DPP10: variants seen among roughly 807,000 people sequenced by gnomAD.
DPP10 encodes dipeptidyl peptidase like 10, also known as inactive dipeptidyl peptidase 10.
Under a neutral mutation model 120.9 loss-of-function variants are expected in DPP10, and 33 were observed. That is an observed-to-expected ratio of 0.27 (90% confidence interval 0.21 to 0.37). DPP10 has a LOEUF of 0.37. Among genes scored for constraint, DPP10 ranks in the 10% least tolerant of loss-of-function variants. The pLI is 1.00. For missense variants in DPP10, 816 were observed against 942.8 expected (o/e 0.87, Z 1.76); for synonymous variants, 337 against 326.1 (o/e 1.03, Z -0.36).
At chr2:115,457,822 C>G (rs1420354319) in intron 3 of DPP10, among the ~76,000 whole-genome samples, 1 of 151,986 alleles carries the variant, frequency 6.6e-6, no homozygotes. Context: ...TATGCCAATG[C>G]AAAACGAGAC....
intron 1 of DPP10, among the ~76,000 whole-genome samples, chr2:114,885,416 C>T (rs1691987256): frequency 6.6e-6 from 1 of 152,172 alleles, no homozygotes; most frequent in African/African-American, 2.4e-5. Context: ...CCCTTCAGTA[C>T]CGGGGATTAC....
intron 15 of DPP10, among the ~76,000 whole-genome samples, chr2:115,779,905 A>C (rs1682546991): frequency 6.6e-6 from 1 of 152,026 alleles, no homozygotes; most frequent in Non-Finnish European, 1.5e-5. Context: ...ATCATCTCAC[A>C]GTGTTTCAAA....
At chr2:114,566,710 A>G (rs979366966) in intron 1 of DPP10, among the ~76,000 whole-genome samples, 1 of 152,210 alleles carries the variant, frequency 6.6e-6, no homozygotes, top group African/African-American at 2.4e-5. Context: ...AGTCTCCCTT[A>G]AGTGAGTCAC....
In DPP10 at chr2:115,843,324, A is replaced by G. The variant is rs1176605582; in HGVS notation, c.*979A>G. The G allele has an allele frequency of 6.6e-6, 1 of 152,614 alleles. No homozygotes were observed. Among genetic ancestry groups the G allele is most frequent in the Admixed American group, 6.5e-5 (1 of 15,280 alleles). 9.5% of individuals were successfully genotyped at this position (152,614 alleles called of 1,614,324 possible). A position where few individuals can be genotyped will look rare whatever the true frequency, so the allele number is the denominator to read the frequency against. On this transcript the variant is annotated 3_prime_UTR_variant, in exon 26 of 26. Transcript: ENST00000410059. ...AGTTTCTGATAAAGAAATTTTGTTA[A>G]CAATGCAATGCCACTGAGTGCTATT...
At chr2:115,504,381 T>C (rs1332828479) in intron 4 of DPP10, among the ~76,000 whole-genome samples, 1 of 151,728 alleles carries the variant, frequency 6.6e-6, no homozygotes, top group Non-Finnish European at 1.5e-5. Context: ...CTTTCATTGG[T>C]GCATTGTGCT....
At chr2:115,813,743 A>T (rs1686921623) in intron 19 of DPP10, among the ~76,000 whole-genome samples, 1 of 152,168 alleles carries the variant, frequency 6.6e-6, no homozygotes, top group Admixed American at 6.5e-5. Flanking sequence ...AGGAAATCTG[A>T]TAACTTGAAA....
chr2:115,237,877 G>A (rs935512297), intron 1 of DPP10, among the ~76,000 whole-genome samples: 6 of 152,150 alleles, frequency 3.9e-5, no homozygotes, highest in African/African-American at 1.4e-4. Context: ...GCAGAGTTTG[G>A]TTCATGAGGT....
intron 1 of DPP10, among the ~76,000 whole-genome samples, chr2:114,847,053 CTATCATATCA>C (rs143276942): frequency 3.3e-5 from 5 of 152,048 alleles, no homozygotes; most frequent in South Asian, 2.1e-4. Flanking sequence ...GGCAGTGGTG[CTATCATATCA>C]TATCATATCA....
intron 1 of DPP10, among the ~76,000 whole-genome samples, chr2:115,124,254 T>C (rs2049964260): frequency 6.6e-6 from 1 of 152,186 alleles, no homozygotes; most frequent in South Asian, 2.1e-4. Context: ...ACTATGCCCT[T>C]TTCAAGCTTA....
intron 7 of DPP10, among the ~76,000 whole-genome samples, chr2:115,706,429 A>G (rs938797497): frequency 2.0e-5 from 3 of 151,982 alleles, no homozygotes; most frequent in African/African-American, 4.8e-5. Context: ...AGTAAGAACC[A>G]TCAAAATCAT....
chr2:115,494,565 A>G (rs2076294189), intron 3 of DPP10, among the ~76,000 whole-genome samples: 1 of 152,176 alleles, frequency 6.6e-6, no homozygotes, highest in Admixed American at 6.5e-5. Context: ...AATTGTGAGT[A>G]GCTAAATATT....
chr2:115,297,164 T>G (rs1318614059), intron 1 of DPP10: 1 of 194,312 alleles, frequency 5.1e-6, no homozygotes, highest in Non-Finnish European at 1.1e-5. Flanking sequence ...GTATTATATC[T>G]ACGAAGTAAA....
intron 1 of DPP10, among the ~76,000 whole-genome samples, chr2:114,540,020 T>G (rs564768167): frequency 1.3e-5 from 2 of 152,200 alleles, no homozygotes; most frequent in Non-Finnish European, 2.9e-5. Flanking sequence ...CATATTATTA[T>G]TTTTAGTATT....
At chr2:114,707,593 G>A (rs1558657623) in intron 1 of DPP10, among the ~76,000 whole-genome samples, 1 of 152,134 alleles carries the variant, frequency 6.6e-6, no homozygotes, top group East Asian at 1.9e-4. Context: ...GGGCTCAATA[G>A]CTTTACTTGA....
chr2:115,811,528 T>G (rs1043638187), intron 19 of DPP10, among the ~76,000 whole-genome samples: 1 of 152,236 alleles, frequency 6.6e-6, no homozygotes, highest in African/African-American at 2.4e-5. Flanking sequence ...TCTGACTTAT[T>G]TACATTTTAA....
chr2:114,585,394 GAC>G (rs1442492996), intron 1 of DPP10, among the ~76,000 whole-genome samples: 4 of 152,150 alleles, frequency 2.6e-5, no homozygotes, highest in African/African-American at 9.7e-5. Context: ...GCCAGATTCA[GAC>G]TTGAAGGGCT....
At chr2:114,502,598 A>G (rs1683293764) in intron 1 of DPP10, among the ~76,000 whole-genome samples, 2 of 152,210 alleles carry the variant, frequency 1.3e-5, no homozygotes, top group African/African-American at 4.8e-5. Flanking sequence ...CTATGTTTTG[A>G]GCTGTTTCCT....
chr2:114,708,257 A>G (rs1402712999), intron 1 of DPP10, among the ~76,000 whole-genome samples: 2 of 152,196 alleles, frequency 1.3e-5, no homozygotes, highest in Non-Finnish European at 2.9e-5. Flanking sequence ...GAGGGACACC[A>G]AAAGCAATCC....
intron 13 of DPP10, among the ~76,000 whole-genome samples, chr2:115,774,177 ATGT>A (rs991851196): frequency 1.3e-5 from 2 of 149,776 alleles, no homozygotes; most frequent in Admixed American, 6.8e-5. Context: ...GGCAATTTTA[ATGT>A]TGTATCTCAT....
Sources: gnomAD v4.1 joint callset for allele counts (sites outside exome capture counted in the v4.1 genomes callset) on GRCh38, gnomAD v4.1.1 for gene constraint, MANE v1.5 for transcripts, NCBI Gene and HGNC (gene_info 2026-07-23, HGNC 2026-07-21) for gene names.